Variants in APLF observed in about 807,000 individuals in gnomAD.
APLF encodes aprataxin and PNKP like factor.
Under a neutral mutation model 55.6 loss-of-function variants are expected in APLF, and 61 were observed. The observed-to-expected ratio is 1.10, with a 90% CI of 0.89 to 1.36. APLF has a LOEUF of 1.36. Among genes scored for constraint, APLF ranks in the 40% most tolerant of loss-of-function variants. The pLI is 0.00. For synonymous variants in APLF, 207 were observed against 214.8 expected (o/e 0.96, Z 0.32); for missense variants, 611 against 602.5 (o/e 1.01, Z -0.15).
intron 9 of APLF, among the ~76,000 whole-genome samples, chr2:68,568,060 A>G (rs1277832713): frequency 6.6e-6 from 1 of 152,134 alleles, no homozygotes; most frequent in African/African-American, 2.4e-5. Flanking sequence ...GCCATCTCCA[A>G]TAAAAGCTAG....
Position 68,526,100 on chromosome 2 carries a change from A to G in APLF, c.662A>G (p.Lys221Arg). 1.2e-6 allele frequency: 2 copies of G among 1,613,612 alleles called. No homozygotes were observed. The highest frequency in any genetic ancestry group is 1.7e-6 in the Non-Finnish European group (2 of 1,179,936). ...GGAAGTGGAAAAGAAGAAATCTGCA[A>G]AGATAAATCCCAGCTAAACACAACC... ...IQGSGKEEIC[K>R]DKSQLNTTQQ... The change falls in exon 6 of 10, where the codon AAA (lysine) becomes AGA (arginine). Residue 221 changes from lysine to arginine, a missense_variant. By Grantham distance (26) the Lys-to-Arg change is conservative. Transcript: ENST00000303795.
chr2:68,485,570 T>C (rs1676137742), intron 1 of APLF, among the ~76,000 whole-genome samples: 1 of 152,152 alleles, frequency 6.6e-6, no homozygotes, highest in Non-Finnish European at 1.5e-5. Context: ...TGAATATTTA[T>C]TCCCAACAGA....
chr2:68,526,908 G>A (rs752803547), intron 6 of APLF, among the ~76,000 whole-genome samples: 3 of 152,158 alleles, frequency 2.0e-5, no homozygotes, highest in Non-Finnish European at 2.9e-5. Flanking sequence ...GAACGATCTC[G>A]ATCTCCTTTT....
chr2:68,552,356 A>T (rs1056733490), intron 8 of APLF, among the ~76,000 whole-genome samples: 9 of 152,076 alleles, frequency 5.9e-5, no homozygotes, highest in African/African-American at 2.2e-4. Flanking sequence ...ACTCTATGAG[A>T]GCTCTTTCTT....
At chr2:68,528,664 C>T (rs1670153478) in intron 6 of APLF, 12 of 1,512,234 alleles carry the variant, frequency 7.9e-6, no homozygotes, top group Admixed American at 5.9e-5. Flanking sequence ...GGGAGCAGCC[C>T]GGAACTGGGG....
chr2:68,538,130 G>A lies in APLF; in HGVS notation c.1063G>A (p.Glu355Lys). The part of the protein sequence containing the change: ...SESSSNPSNP[E>K]TLHAKATDSV... The stretch of plus-strand genomic sequence containing the variant: ...GTCCAGCTCTAATCCCTCCAATCCT[G>A]AAACTTTGCATGCAAAGGCAACTGA... Residue 355 changes from glutamate to lysine, a missense_variant, in exon 7 of 10, where the codon GAA becomes AAA. Coordinates refer to ENST00000303795, the MANE Select transcript of APLF (RefSeq NM_173545.3). The A allele has an allele frequency of 6.2e-7, 1 of 1,614,024 alleles. No individual in the cohort carries two copies. Among genetic ancestry groups the A allele is most frequent in the Non-Finnish European group, 8.5e-7 (1 of 1,179,958 alleles).
In APLF at chr2:68,502,797, C is replaced by G; in HGVS notation, c.235C>G (p.Leu79Val). Residue 79 changes from leucine to valine, a missense_variant, in exon 3 of 10, where the codon CTA (leucine) becomes GTA (valine). By Grantham distance (32) the Leu-to-Val change is conservative. Coordinates refer to ENST00000303795, the MANE Select transcript of APLF (RefSeq NM_173545.3). ...TCAGCTCTTACCATTGAAGCCAAAT[C>G]TATGGTGCTATTTGAATCCTGGAGA... is the stretch of plus-strand genomic sequence containing the variant. ...KSQLLPLKPN[L>V]WCYLNPGDSF... 1.2e-6 allele frequency: 2 copies of G among 1,607,200 alleles called. No homozygotes were observed. The highest frequency in any genetic ancestry group is 8.5e-7 in the Non-Finnish European group (1 of 1,177,810).
At chr2:68,482,740 G>A (rs555351467) in intron 1 of APLF, among the ~76,000 whole-genome samples, 1 of 152,270 alleles carries the variant, frequency 6.6e-6, no homozygotes, top group South Asian at 2.1e-4. Flanking sequence ...TGTCCGCCTA[G>A]GGTGGTTCCA....
chr2:68,529,568 T>C lies in APLF; in HGVS notation c.804+3326T>C. On this transcript the variant is annotated intron_variant, in intron 6 of 9. Coordinates refer to ENST00000303795, the MANE Select transcript of APLF (RefSeq NM_173545.3). This position sits in a 1 kb window ranked among gnomAD's most constrained non-coding sequence, Gnocchi z 4.4. ...TGGGTGCACACTGGGCATCTGGGAG[T>C]TTATGACATCACCATGGGGCTGGTG... The C allele has an allele frequency of 1.6e-6, 1 of 635,100 alleles. No individual in the cohort carries two copies. The highest frequency in any genetic ancestry group is 2.0e-6 in the Non-Finnish European group (1 of 503,496). 39.3% of individuals were successfully genotyped at this position (635,100 alleles called of 1,614,324 possible). A position where few individuals can be genotyped will look rare whatever the true frequency, so the allele number is the denominator to read the frequency against.
intron 6 of APLF, 27 bp from the exon 7 acceptor site, chr2:68,537,845 C>G (rs1442224227): frequency 1.4e-6 from 2 of 1,454,164 alleles, no homozygotes; most frequent in Non-Finnish European, 1.9e-6. Flanking sequence ...TCATTTATTT[C>G]TGATGTTTTT....
chr2:68,498,088 T>A (rs1299619701), intron 2 of APLF, among the ~76,000 whole-genome samples: 1 of 152,230 alleles, frequency 6.6e-6, no homozygotes, highest in East Asian at 1.9e-4. Context: ...ATTTTAATTG[T>A]TAATGGAAGT....
At chr2:68,478,521 G>A (rs772672043) in intron 1 of APLF, among the ~76,000 whole-genome samples, 12 of 152,288 alleles carry the variant, frequency 7.9e-5, no homozygotes, top group East Asian at 1.9e-4. Context: ...TCTAAAGCTC[G>A]AGAATTTAAT....
chr2:68,485,757 A>C (rs905888944), intron 1 of APLF, among the ~76,000 whole-genome samples: 8 of 151,500 alleles, frequency 5.3e-5, no homozygotes, highest in African/African-American at 1.9e-4. Flanking sequence ...GGAATACAGC[A>C]CACTGAATCA....
At chr2:68,534,368 CAGGACTTTTA>C (rs1232848258) in intron 6 of APLF, among the ~76,000 whole-genome samples, 1 of 152,046 alleles carries the variant, frequency 6.6e-6, no homozygotes, top group Non-Finnish European at 1.5e-5. Context: ...GGGATTGAGA[CAGGACTTTTA>C]AGGTAATTTG....
In APLF at chr2:68,537,910, C is replaced by G. The variant is rs777821255; in HGVS notation, c.843C>G (p.Asn281Lys). ...PQSFSAITLS[N>K]TEMNNIKTNA... ...CATTTTCTGCAATCACATTAAGTAA[C>G]ACAGAGATGAATAATATTAAGACTA... Residue 281 changes from asparagine to lysine, a missense_variant, in exon 7 of 10, where the codon AAC becomes AAG. Physicochemically the swap from Asn to Lys is moderately conservative, Grantham distance 94. Transcript: ENST00000303795. The G allele has an allele frequency of 7.5e-6, 12 of 1,605,042 alleles. No individual in the cohort carries two copies. In the South Asian group the frequency reaches 1.2e-4, roughly 17 times the overall value.
intron 1 of APLF, among the ~76,000 whole-genome samples, chr2:68,472,364 A>G (rs1045430606): frequency 1.3e-5 from 2 of 152,218 alleles, no homozygotes; most frequent in Non-Finnish European, 2.9e-5. Context: ...TTTTAGGGTA[A>G]AACATTTTGA....
chr2:68,504,118 A>G (rs1190675827), intron 3 of APLF, among the ~76,000 whole-genome samples: 3 of 151,970 alleles, frequency 2.0e-5, no homozygotes, highest in South Asian at 2.1e-4. Context: ...TAAAAAACAA[A>G]ACTGATGCAG....
chr2:68,529,238 A>G lies in APLF; in HGVS notation c.804+2996A>G, dbSNP rs537898514. 1.6e-6 allele frequency: 2 copies of G among 1,260,150 alleles called. No homozygotes were observed. Among genetic ancestry groups the G allele is most frequent in the South Asian group, 1.6e-5 (1 of 62,516 alleles). 78.1% of individuals were successfully genotyped at this position (1,260,150 alleles called of 1,614,324 possible). Reference sequence around the variant, plus strand: ...GTTCCAAGGGATAAGACACAGCCTCATAAGGGTGCCGTCCCACCTGCCTGG... The same window carrying G: ...GTTCCAAGGGATAAGACACAGCCTCGTAAGGGTGCCGTCCCACCTGCCTGG... On this transcript the variant is annotated intron_variant, in intron 6 of 9. Transcript: ENST00000303795. This position sits in a 1 kb window ranked among gnomAD's most constrained non-coding sequence, Gnocchi z 4.4.
At chr2:68,494,731 C>T (rs1676487295) in intron 2 of APLF, among the ~76,000 whole-genome samples, 1 of 152,174 alleles carries the variant, frequency 6.6e-6, no homozygotes, top group Non-Finnish European at 1.5e-5. Context: ...TCACCTCCCA[C>T]TTATAAGTGA....
Sources: gnomAD v4.1 joint callset for allele counts (sites outside exome capture counted in the v4.1 genomes callset) on GRCh38, gnomAD v4.1.1 for gene constraint, Gnocchi (gnomAD v3.1) non-coding constraint, MANE v1.5 for transcripts, NCBI Gene and HGNC (gene_info 2026-07-23, HGNC 2026-07-21) for gene names.